Variants in SEZ6L observed in about 807,000 individuals in gnomAD.
The protein encoded by SEZ6L is seizure 6-like protein.
SEZ6L carries 37 observed loss-of-function variants against 106.2 expected under a neutral mutation model. The ratio of observed to expected loss-of-function variants is 0.35; its 90% CI spans 0.27 to 0.46. The LOEUF (loss-of-function observed/expected upper bound fraction) is 0.46. SEZ6L is among the 20% of genes least tolerant of loss of function. The pLI is 1.00. For missense variants in SEZ6L, 1,172 were observed against 1,332.8 expected (o/e 0.88, Z 1.88); for synonymous variants, 541 against 570.4 (o/e 0.95, Z 0.73).
Position 26,292,626 on chromosome 22 carries a change from G to C in SEZ6L, c.315G>C (p.Glu105Asp), listed in dbSNP as rs765413636. 1.2e-6 allele frequency: 2 copies of C among 1,613,200 alleles called. No homozygotes were observed. Among genetic ancestry groups the C allele is most frequent in the East Asian group, 4.5e-5 (2 of 44,828 alleles). ...DIPALSPLLP[E>D]EARPKHALPP... ...CAGCCCTGTCACCGCTGCTTCCAGA[G>C]GAGGCCCGCCCCAAGCACGCCTTGC... Residue 105 changes from glutamate (E) to aspartate (D), a missense_variant, in exon 2 of 17, where the codon GAG (glutamate) becomes GAC (aspartate). Physicochemically the swap from Glu to Asp is conservative, Grantham distance 45 (BLOSUM62 2). Around this residue, in one of 4 missense-constraint regions of SEZ6L, gnomAD observed 494 missense variants for 445.8 expected, o/e 1.11. Transcript: ENST00000248933.
chr22:26,235,309 A>G (rs555129279), intron 1 of SEZ6L, among the ~76,000 whole-genome samples: 106 of 152,154 alleles, frequency 7.0e-4, no homozygotes, highest in Middle Eastern at 3.4e-3. Context: ...GAACAAAATC[A>G]CTCTTGGTTG....
At chr22:26,336,027 GC>G (rs1363545512) in intron 9 of SEZ6L, among the ~76,000 whole-genome samples, 1 of 152,080 alleles carries the variant, frequency 6.6e-6, no homozygotes, top group Non-Finnish European at 1.5e-5. Flanking sequence ...TCTTATATAA[GC>G]TAGAGGTGGG....
intron 5 of SEZ6L, among the ~76,000 whole-genome samples, chr22:26,304,287 G>T (rs969678472): frequency 6.6e-6 from 1 of 151,630 alleles, no homozygotes; most frequent in Non-Finnish European, 1.5e-5. Context: ...GGGAGGCAGA[G>T]GTTGCAGTGA....
chr22:26,296,421 A>G (rs1326024016), intron 3 of SEZ6L, among the ~76,000 whole-genome samples: 2 of 152,196 alleles, frequency 1.3e-5, no homozygotes, highest in Non-Finnish European at 2.9e-5. Flanking sequence ...GTACTATTCT[A>G]GGCACTGGAA....
intron 1 of SEZ6L, among the ~76,000 whole-genome samples, chr22:26,235,765 C>T (rs2078938628): frequency 6.6e-6 from 1 of 152,154 alleles, no homozygotes; most frequent in South Asian, 2.1e-4. Flanking sequence ...GCATGGATCT[C>T]CAAGGAGGAC....
Position 26,175,908 on chromosome 22 carries a change from A to G in SEZ6L, c.94+6145A>G, listed in dbSNP as rs1377594189. On this transcript the variant is annotated intron_variant, in intron 1 of 16. Coordinates refer to ENST00000248933, the MANE Select transcript of SEZ6L (RefSeq NM_021115.5). ...GGGCTGGGATGGGACAAGAGAGTTAAGATGCTTTGCACATACCAAGAAATC... is the reference window on the plus strand; with the variant it reads ...GGGCTGGGATGGGACAAGAGAGTTAGGATGCTTTGCACATACCAAGAAATC... Among the ~76,000 whole-genome samples the G allele has an allele frequency of 2.0e-5, 3 of 152,262 alleles. No homozygotes were observed. The East Asian group carries it at 5.8e-4, about 29-fold the overall frequency.
intron 1 of SEZ6L, among the ~76,000 whole-genome samples, chr22:26,177,233 T>C (rs952203275): frequency 2.0e-5 from 3 of 152,080 alleles, no homozygotes; most frequent in Admixed American, 6.6e-5. Flanking sequence ...TCCAACCTCA[T>C]AGGATTGCTG....
chr22:26,287,290 T>A lies in SEZ6L; in HGVS notation c.95-5116T>A, dbSNP rs560758181. On this transcript the variant is annotated intron_variant, in intron 1 of 16. Transcript: ENST00000248933. ...TCTGTTTGATCTCTGTAGTTGATTATCAGTGTGTGTGTGTTTTCCTAACTC... is the reference window on the plus strand; with the variant it reads ...TCTGTTTGATCTCTGTAGTTGATTAACAGTGTGTGTGTGTTTTCCTAACTC... Among the ~76,000 whole-genome samples the A allele has an allele frequency of 3.7e-3, 556 of 152,256 alleles. 1 individual carries two copies. The highest frequency in any genetic ancestry group is 6.8e-3 in the Middle Eastern group (2 of 294).
chr22:26,309,387 G>A (rs1411212162), intron 6 of SEZ6L, among the ~76,000 whole-genome samples: 1 of 152,174 alleles, frequency 6.6e-6, no homozygotes, highest in African/African-American at 2.4e-5. Context: ...TTATGGTTGG[G>A]TCTCTCCTTT....
At chr22:26,191,782 C>T (rs1314569960) in intron 1 of SEZ6L, among the ~76,000 whole-genome samples, 1 of 152,186 alleles carries the variant, frequency 6.6e-6, no homozygotes, top group East Asian at 1.9e-4. Flanking sequence ...TTGCCATCAA[C>T]TAAGTCCTTT....
At chr22:26,223,324 A>G (rs1394952891) in intron 1 of SEZ6L, among the ~76,000 whole-genome samples, 1 of 152,236 alleles carries the variant, frequency 6.6e-6, no homozygotes, top group African/African-American at 2.4e-5. Flanking sequence ...TTCCAGAATT[A>G]ATGATATTTC....
In SEZ6L at chr22:26,350,229, T is replaced by TA. The variant is rs1491526431; in HGVS notation, c.2408-823_2408-822insA. Among the ~76,000 whole-genome samples the TA allele has an allele frequency of 1.5e-3, 227 of 149,742 alleles. 2 individuals carry two copies. Among genetic ancestry groups the TA allele is most frequent in the African/African-American group, 5.2e-3 (212 of 40,836 alleles). ...ATATACACATATATATATATATATA[T>TA]TTATATGTATTTTTTTGAGGCAAGG... On this transcript the variant is annotated intron_variant, in intron 11 of 16. Coordinates refer to ENST00000248933, the MANE Select transcript of SEZ6L (RefSeq NM_021115.5).
intron 1 of SEZ6L, among the ~76,000 whole-genome samples, chr22:26,233,829 G>A (rs1029703649): frequency 3.3e-5 from 5 of 152,172 alleles, no homozygotes; most frequent in African/African-American, 1.2e-4. Flanking sequence ...CCCTAGAAAG[G>A]TAGTCCCCCA....
intron 9 of SEZ6L, among the ~76,000 whole-genome samples, chr22:26,333,240 C>G (rs2082543225): frequency 6.6e-6 from 1 of 152,218 alleles, no homozygotes. Context: ...ACAAGCTGGA[C>G]AAGCCAGCGG....
intron 13 of SEZ6L, 118 bp from the exon 14 acceptor site, chr22:26,373,333 T>C (rs2084104358): frequency 2.5e-6 from 2 of 814,224 alleles, no homozygotes; most frequent in Admixed American, 4.9e-5. Flanking sequence ...AGTAAAAACA[T>C]ACCACTAACT....
At chr22:26,210,976 A>C (rs1379329549) in intron 1 of SEZ6L, among the ~76,000 whole-genome samples, 5 of 152,144 alleles carry the variant, frequency 3.3e-5, no homozygotes, top group Admixed American at 2.6e-4. Flanking sequence ...CCTGCCCCTT[A>C]ATTTGGCCTG....
At chr22:26,347,304 C>A (rs1288622161) in intron 10 of SEZ6L, among the ~76,000 whole-genome samples, 4 of 151,836 alleles carry the variant, frequency 2.6e-5, no homozygotes, top group African/African-American at 7.3e-5. Flanking sequence ...AGAGTGTAAA[C>A]CCTCGGAGGT....
At chr22:26,332,453 A>ATT (rs368247917) in intron 9 of SEZ6L, among the ~76,000 whole-genome samples, 38,055 of 145,738 alleles carry the variant, frequency 0.26, 5,356 homozygotes, top group East Asian at 0.4. Context: ...CCCAGTCCAG[A>ATT]TTTTTTTTTT....
chr22:26,290,544 A>G (rs1360131222), intron 1 of SEZ6L, among the ~76,000 whole-genome samples: 1 of 151,994 alleles, frequency 6.6e-6, no homozygotes, highest in African/African-American at 2.4e-5. Flanking sequence ...AAAAATAAAT[A>G]AAATAAAATA....
Sources: allele counts gnomAD v4.1 joint callset (sites outside exome capture counted in the v4.1 genomes callset), GRCh38; gene constraint gnomAD v4.1.1; regional missense constraint gnomAD v4.1.1; transcripts MANE v1.5; gene names NCBI Gene and HGNC (gene_info 2026-07-23, HGNC 2026-07-21).